CADPS: variants seen among roughly 807,000 people sequenced by gnomAD.
CADPS encodes the protein calcium-dependent secretion activator 1.
CADPS carries 57 observed loss-of-function variants against 167.3 expected under a neutral mutation model. That is an observed-to-expected ratio of 0.34 (90% CI 0.28 to 0.42). The LOEUF (loss-of-function observed/expected upper bound fraction) is 0.42, where lower values mean the gene tolerates loss of function less well. Among genes scored for constraint, CADPS ranks in the 20% least tolerant of loss-of-function variants. CADPS has a pLI of 1.00. For synonymous variants in CADPS, 676 were observed against 635.3 expected (o/e 1.06, Z -0.96); for missense variants, 1,414 against 1,738.1 (o/e 0.81, Z 3.32).
chr3:62,852,263 C>T (rs1051691157), intron 1 of CADPS, among the ~76,000 whole-genome samples: 1 of 151,868 alleles, frequency 6.6e-6, no homozygotes, highest in Admixed American at 6.6e-5. Context: ...CTGAAGCCTT[C>T]TTCTCTCAGC....
rs570145073 is a variant in CADPS, at chr3:62,471,153, G to A, written c.3477+3020C>T. Among the ~76,000 whole-genome samples the A allele has an allele frequency of 4.7e-4, 71 of 152,214 alleles. 1 individual carries two copies. Among genetic ancestry groups the A allele is most frequent in the Admixed American group, 1.6e-3 (24 of 15,300 alleles). On this transcript the variant is annotated intron_variant, in intron 24 of 29. Transcript: ENST00000383710. ...TTCATTCAGCAAATGATGACACATCGTTTGGCAGCTAAGGTATGGAGTCCA... is the reference window on the plus strand; with the variant it reads ...TTCATTCAGCAAATGATGACACATCATTTGGCAGCTAAGGTATGGAGTCCA...
At chr3:62,642,850 G>A (rs990398687) in intron 6 of CADPS, among the ~76,000 whole-genome samples, 1 of 152,084 alleles carries the variant, frequency 6.6e-6, no homozygotes, top group African/African-American at 2.4e-5. Context: ...GGCCAAGGCT[G>A]CAGTGAGCTG....
chr3:62,472,299 C>T (rs1047761356), intron 24 of CADPS, among the ~76,000 whole-genome samples: 3 of 152,106 alleles, frequency 2.0e-5, no homozygotes, highest in South Asian at 2.1e-4. Context: ...TGTGAATACA[C>T]TAAAACTACA....
intron 6 of CADPS, among the ~76,000 whole-genome samples, chr3:62,645,029 G>C (rs544606081): frequency 6.6e-6 from 1 of 152,228 alleles, no homozygotes; most frequent in African/African-American, 2.4e-5. Context: ...TTGACCCAAT[G>C]AATTAATGTA....
intron 3 of CADPS, among the ~76,000 whole-genome samples, chr3:62,673,111 G>T (rs1234985335): frequency 6.6e-6 from 1 of 152,208 alleles, no homozygotes; most frequent in Admixed American, 6.5e-5. Context: ...GACTGTAAGT[G>T]CCTTTGGCAA....
intron 4 of CADPS, among the ~76,000 whole-genome samples, chr3:62,657,579 G>A (rs1295405027): frequency 6.6e-6 from 1 of 152,170 alleles, no homozygotes; most frequent in Non-Finnish European, 1.5e-5. Context: ...GAAAATGTTT[G>A]AGCAGGGATT....
rs542999462 is a variant in CADPS, at chr3:62,558,707, G to T, written c.1645-1194C>A. ...CCCAGTGGAGAGATGAAGGGTGTCC[G>T]CAGGAGGATGTTTTTGGTAGTTGGT... is the stretch of plus-strand genomic sequence containing the variant. On this transcript the variant is annotated intron_variant, in intron 9 of 29. Transcript: ENST00000383710. Among the ~76,000 whole-genome samples, 9 of 152,258 alleles carry T rather than the reference G, an allele frequency of 5.9e-5. No individual in the cohort carries two copies. In the South Asian group the frequency reaches 1.9e-3, roughly 32 times the overall value.
At chr3:62,437,257 C>T (rs1025409898) in intron 28 of CADPS, among the ~76,000 whole-genome samples, 3 of 151,760 alleles carry the variant, frequency 2.0e-5, no homozygotes, top group African/African-American at 4.8e-5. Context: ...GGTGGAAACC[C>T]GAGATGAAAT....
At chr3:62,466,687 C>A (rs1013916556) in intron 24 of CADPS, 6 of 441,472 alleles carry the variant, frequency 1.4e-5, no homozygotes, top group Non-Finnish European at 2.1e-5. Context: ...ACAAATAGCA[C>A]ACATGAATGA....
At chr3:62,726,286 T>C (rs1181805045) in intron 3 of CADPS, among the ~76,000 whole-genome samples, 2 of 151,910 alleles carry the variant, frequency 1.3e-5, no homozygotes, top group Non-Finnish European at 2.9e-5. Flanking sequence ...TTTAGGTCCA[T>C]GGAAGAGCTT....
At chr3:62,742,105 A>G (rs959538721) in intron 3 of CADPS, among the ~76,000 whole-genome samples, 2 of 152,208 alleles carry the variant, frequency 1.3e-5, no homozygotes, top group Admixed American at 6.5e-5. Context: ...ACCACAAATC[A>G]CTGCTCAAAG....
At chr3:62,757,125 T>C (rs1006243826) in intron 2 of CADPS, among the ~76,000 whole-genome samples, 1 of 152,176 alleles carries the variant, frequency 6.6e-6, no homozygotes, top group Non-Finnish European at 1.5e-5. Flanking sequence ...GTGGGGACAC[T>C]AAGGGGTTAA....
chr3:62,431,747 A>T (rs2054003708), intron 28 of CADPS, among the ~76,000 whole-genome samples: 1 of 151,986 alleles, frequency 6.6e-6, no homozygotes, highest in Non-Finnish European at 1.5e-5. Flanking sequence ...TTTGGGGACA[A>T]GTGGGTAATT....
At chr3:62,647,157 G>GA (rs1041624576) in intron 5 of CADPS, among the ~76,000 whole-genome samples, 18 of 152,084 alleles carry the variant, frequency 1.2e-4, no homozygotes, top group African/African-American at 4.3e-4. Context: ...CCTTATACAT[G>GA]AAAAAATCAT....
chr3:62,806,212 T>C (rs1242916520), intron 1 of CADPS, among the ~76,000 whole-genome samples: 1 of 152,112 alleles, frequency 6.6e-6, no homozygotes, highest in Non-Finnish European at 1.5e-5. Flanking sequence ...AGACAAATTG[T>C]TCAGACCAAA....
At chr3:62,659,724 C>T (rs936389637) in intron 4 of CADPS, among the ~76,000 whole-genome samples, 8 of 152,194 alleles carry the variant, frequency 5.3e-5, no homozygotes, top group African/African-American at 1.4e-4. Context: ...GGACCAATCA[C>T]GTGTGGCCAG....
intron 6 of CADPS, among the ~76,000 whole-genome samples, chr3:62,616,191 T>C (rs1355835373): frequency 6.6e-6 from 1 of 152,222 alleles, no homozygotes; most frequent in Non-Finnish European, 1.5e-5. Flanking sequence ...AGAATGATAA[T>C]TTCATTTTCC....
chr3:62,639,219 C>T (rs780269676), intron 6 of CADPS, among the ~76,000 whole-genome samples: 1 of 152,146 alleles, frequency 6.6e-6, no homozygotes, highest in Non-Finnish European at 1.5e-5. Context: ...ATTTCTGGGT[C>T]AGTGTTGACT....
At chr3:62,688,966 G>A (rs1026584449) in intron 3 of CADPS, among the ~76,000 whole-genome samples, 4 of 151,934 alleles carry the variant, frequency 2.6e-5, no homozygotes, top group Non-Finnish European at 4.4e-5. Context: ...TTCTCCAGAT[G>A]AGTCCCAGAA....
Sources: allele counts gnomAD v4.1 joint callset (sites outside exome capture counted in the v4.1 genomes callset), GRCh38; gene constraint gnomAD v4.1.1; transcripts MANE v1.5; gene names NCBI Gene and HGNC (gene_info 2026-07-23, HGNC 2026-07-21).